CEP112: variants seen among roughly 807,000 people sequenced by gnomAD.
CEP112 encodes the protein centrosomal protein 112.
A neutral mutation model predicts 153.0 loss-of-function variants in CEP112; 127 were observed. The ratio of observed to expected loss-of-function variants is 0.83; its 90% confidence interval spans 0.72 to 0.96. CEP112 has a LOEUF of 0.96. Among genes scored for constraint, CEP112 ranks in the 40% least tolerant of loss-of-function variants. The probability of loss-of-function intolerance (pLI) is 0.00; values close to 1 mark genes in which losing one functional copy is unlikely to be tolerated. For missense variants in CEP112, 1,089 were observed against 1,101.2 expected, an observed-to-expected ratio of 0.99 and a Z score of 0.16; for synonymous variants, 358 against 374.4, an observed-to-expected ratio of 0.96 and a Z score of 0.51.
At chr17:66,003,747 C>T (rs1372673730) in intron 17 of CEP112, among the ~76,000 whole-genome samples, 2 of 152,198 alleles carry the variant, frequency 1.3e-5, no homozygotes, top group Non-Finnish European at 2.9e-5. Flanking sequence ...CTGAGCTCCA[C>T]CTTCTGTCAG....
chr17:65,875,892 A>G (rs1230615886), intron 20 of CEP112, among the ~76,000 whole-genome samples: 1 of 152,218 alleles, frequency 6.6e-6, no homozygotes, highest in Non-Finnish European at 1.5e-5. Context: ...GAAATTTAAT[A>G]CGTAGAGTCT....
chr17:66,139,229 C>T (rs1009762590), intron 4 of CEP112, among the ~76,000 whole-genome samples: 6 of 151,994 alleles, frequency 3.9e-5, no homozygotes, highest in African/African-American at 1.4e-4. Flanking sequence ...CCTTTGGCTA[C>T]ACAGAATAAG....
chr17:65,687,030 A>C (rs2047832589), intron 24 of CEP112, among the ~76,000 whole-genome samples: 1 of 152,088 alleles, frequency 6.6e-6, no homozygotes, highest in Non-Finnish European at 1.5e-5. Context: ...TTGGCATGCT[A>C]TTCACAAAAT....
At chr17:66,163,396 C>G (rs2071796739) in intron 4 of CEP112, among the ~76,000 whole-genome samples, 1 of 152,088 alleles carries the variant, frequency 6.6e-6, no homozygotes, top group African/African-American at 2.4e-5. Context: ...ATCTGCAGAA[C>G]AGTCTTCTTT....
intron 1 of CEP112, 129 bp from the exon 2 acceptor site, chr17:66,183,436 T>C: frequency 1.8e-6 from 1 of 540,784 alleles, no homozygotes; most frequent in Non-Finnish European, 3.2e-6. Context: ...GTAGATTTAA[T>C]GCAACTCCCA....
chr17:66,024,633 A>C (rs557443135), intron 16 of CEP112, among the ~76,000 whole-genome samples: 1 of 152,286 alleles, frequency 6.6e-6, no homozygotes, highest in East Asian at 1.9e-4. Flanking sequence ...AACACTGTTG[A>C]AAGAAGTTGT....
chr17:66,163,882 GA>G (rs2071819878), intron 4 of CEP112, among the ~76,000 whole-genome samples: 1 of 152,036 alleles, frequency 6.6e-6, no homozygotes, highest in Non-Finnish European at 1.5e-5. Flanking sequence ...AGAAACTTGT[GA>G]AATTAAAAGA....
chr17:65,826,767 G>A (rs1164162114), intron 21 of CEP112, among the ~76,000 whole-genome samples: 1 of 152,212 alleles, frequency 6.6e-6, no homozygotes, highest in Non-Finnish European at 1.5e-5. Context: ...CCATCTCACA[G>A]AGAAATGAAC....
rs562389309 is a variant in CEP112 at position 66,005,460 on chromosome 17, A to AT, written c.1736+229dup. Among the ~76,000 whole-genome samples, 132 of 151,946 alleles carry AT rather than the reference A, an allele frequency of 8.7e-4. 3 individuals carry two copies. In the South Asian group the frequency reaches 8.7e-3, roughly 10 times the overall value. On this transcript the variant is annotated intron_variant, in intron 17 of 26. Transcript: ENST00000535342. Reference sequence around the variant, plus strand: ...AGAGCATCTGAAACCACTAAGTTCTATTTTTTTACATTCCTATCACTTAAA... The same window carrying AT: ...AGAGCATCTGAAACCACTAAGTTCTATTTTTTTTACATTCCTATCACTTAAA...
chr17:65,934,111 C>T (rs991680003), intron 18 of CEP112, among the ~76,000 whole-genome samples: 1 of 152,162 alleles, frequency 6.6e-6, no homozygotes, highest in Non-Finnish European at 1.5e-5. Context: ...ACTGCTTGAA[C>T]CTGGGAGGCG....
chr17:65,801,903 T>C (rs1366262412), intron 21 of CEP112, among the ~76,000 whole-genome samples: 1 of 152,192 alleles, frequency 6.6e-6, no homozygotes, highest in Admixed American at 6.5e-5. Flanking sequence ...TGCCACACTT[T>C]GTTTCTTTGC....
intron 4 of CEP112, among the ~76,000 whole-genome samples, chr17:66,159,961 A>C (rs1474544783): frequency 6.6e-6 from 1 of 152,146 alleles, no homozygotes; most frequent in Non-Finnish European, 1.5e-5. Context: ...CGGCGCAAAA[A>C]CTACTTAAGG....
intron 17 of CEP112, among the ~76,000 whole-genome samples, chr17:65,962,294 A>G (rs1367543981): frequency 2.0e-5 from 3 of 152,144 alleles, no homozygotes; most frequent in African/African-American, 7.2e-5. Context: ...AAAACAATGT[A>G]CAAATAGAAA....
chr17:65,951,676 C>T (rs886260478), intron 18 of CEP112, among the ~76,000 whole-genome samples: 1 of 150,864 alleles, frequency 6.6e-6, no homozygotes, highest in African/African-American at 2.4e-5. Flanking sequence ...AGAACCAGTA[C>T]TTGGCTTCAT....
intron 19 of CEP112, among the ~76,000 whole-genome samples, chr17:65,909,839 A>G (rs754274527): frequency 1.3e-5 from 2 of 152,176 alleles, no homozygotes; most frequent in Non-Finnish European, 2.9e-5. Context: ...ATACCCTAGA[A>G]GTAGAACTGG....
chr17:66,182,627 C>T (rs904583395), intron 2 of CEP112, among the ~76,000 whole-genome samples: 1 of 152,190 alleles, frequency 6.6e-6, no homozygotes, highest in Non-Finnish European at 1.5e-5. Context: ...CCCAATTGTT[C>T]TCTAGTGTCT....
intron 19 of CEP112, among the ~76,000 whole-genome samples, chr17:65,907,622 C>T (rs2060132874): frequency 6.6e-6 from 1 of 152,178 alleles, no homozygotes; most frequent in South Asian, 2.1e-4. Context: ...CCATCAGCAT[C>T]TTCTAGCAAG....
intron 16 of CEP112, among the ~76,000 whole-genome samples, chr17:66,016,043 G>A (rs1347275714): frequency 6.6e-6 from 1 of 152,116 alleles, no homozygotes; most frequent in African/African-American, 2.4e-5. Context: ...TCGTAAGTCT[G>A]CTATTGTACT....
chr17:66,023,159 A>G (rs981820298), intron 16 of CEP112, among the ~76,000 whole-genome samples: 2 of 152,192 alleles, frequency 1.3e-5, no homozygotes, highest in Admixed American at 1.3e-4. Context: ...AATAATTGAC[A>G]AAAACTTCTG....
Sources: gnomAD v4.1 joint callset for allele counts (sites outside exome capture counted in the v4.1 genomes callset) on GRCh38, gnomAD v4.1.1 for gene constraint, MANE v1.5 for transcripts, NCBI Gene and HGNC (gene_info 2026-07-23, HGNC 2026-07-21) for gene names.